SPRED1: variants seen among roughly 807,000 people sequenced by gnomAD.
SPRED1 encodes the protein sprouty related EVH1 domain containing 1, also known as sprouty-related, EVH1 domain-containing protein 1.
A neutral mutation model predicts 52.3 loss-of-function variants in SPRED1; 18 were observed. That is an observed-to-expected ratio of 0.34 (90% CI 0.24 to 0.51). SPRED1 has a LOEUF of 0.51. Ranked by LOEUF, SPRED1 falls within the 20% of genes least tolerant of loss-of-function variation. The pLI, the probability that SPRED1 is intolerant of heterozygous loss-of-function variation, is 0.97. For synonymous variants in SPRED1, 155 were observed against 179.7 expected, an observed-to-expected ratio of 0.86 and a Z score of 1.10; for missense variants, 485 against 551.0, an observed-to-expected ratio of 0.88 and a Z score of 1.20.
chr15:38,299,911 T>C (rs1370506868), intron 2 of SPRED1, among the ~76,000 whole-genome samples: 1 of 152,184 alleles, frequency 6.6e-6, no homozygotes, highest in Non-Finnish European at 1.5e-5. Flanking sequence ...TGTTTTTATA[T>C]TGTCTGTGAG....
At chr15:38,336,430 A>G (rs2382133) in intron 4 of SPRED1, among the ~76,000 whole-genome samples, 1 of 43,822 alleles carries the variant, frequency 2.3e-5, no homozygotes, top group Non-Finnish European at 6.7e-5. Context: ...GTGTATATAT[A>G]TATATAATAT....
At chr15:38,322,771 C>T (rs1304579451) in intron 3 of SPRED1, among the ~76,000 whole-genome samples, 1 of 152,032 alleles carries the variant, frequency 6.6e-6, no homozygotes, top group African/African-American at 2.4e-5. Context: ...CCAGTCACAT[C>T]CTTTTTTTGG....
Position 38,355,929 on chromosome 15 carries a change from A to G in SPRED1, c.*4265A>G, listed in dbSNP as rs1888608802. On this transcript the variant is annotated 3_prime_UTR_variant, in exon 7 of 7. Transcript: ENST00000299084. ...GGAGGTGATTTATATAAACCAAAAG[A>G]AAAAAAAAGGCTTTAAGGTATTAGG... 6.6e-6 allele frequency: 1 copy of G among 151,438 alleles called. No homozygotes were observed. The highest frequency in any genetic ancestry group is 1.9e-4 in the East Asian group (1 of 5,180). 9.4% of individuals were successfully genotyped at this position (151,438 alleles called of 1,614,324 possible). A position where few individuals can be genotyped will look rare whatever the true frequency, so the allele number is the denominator to read the frequency against.
At chr15:38,301,414 G>A (rs566274793) in intron 2 of SPRED1, among the ~76,000 whole-genome samples, 431 of 152,238 alleles carry the variant, frequency 2.8e-3, no homozygotes, top group Non-Finnish European at 3.0e-3. Context: ...GATGTTTCAC[G>A]TAGCCATTTT....
At chr15:38,314,966 T>A (rs1895446300) in intron 2 of SPRED1, among the ~76,000 whole-genome samples, 1 of 151,892 alleles carries the variant, frequency 6.6e-6, no homozygotes, top group Admixed American at 6.6e-5. Flanking sequence ...ATGTCTAAAG[T>A]CCCACTCAGC....
At chr15:38,267,178 A>G (rs1894324848) in intron 1 of SPRED1, among the ~76,000 whole-genome samples, 1 of 152,204 alleles carries the variant, frequency 6.6e-6, no homozygotes, top group African/African-American at 2.4e-5. Flanking sequence ...CTGATTAAGT[A>G]TATCACCTGA....
At chr15:38,306,489 ATAACCAGTCCAGAATC>A (rs2140983503) in intron 2 of SPRED1, among the ~76,000 whole-genome samples, 1 of 152,332 alleles carries the variant, frequency 6.6e-6, no homozygotes, top group South Asian at 2.1e-4. Context: ...AATGATAATA[ATAACCAGTCCAGAATC>A]CCATTCTTTT....
At chr15:38,278,828 G>GTTTTTT (rs765637726) in intron 1 of SPRED1, among the ~76,000 whole-genome samples, 67,704 of 117,450 alleles carry the variant, frequency 0.58, 21,662 homozygotes, top group Middle Eastern at 0.68. Flanking sequence ...TAACTACACT[G>GTTTTTT]TTTTTTTTTT....
chr15:38,322,994 A>G (rs1232381806), intron 3 of SPRED1, among the ~76,000 whole-genome samples: 1 of 152,130 alleles, frequency 6.6e-6, no homozygotes, highest in Non-Finnish European at 1.5e-5. Context: ...AGACTGGCTT[A>G]TGCTTACTTA....
At chr15:38,346,986 G>C (rs1428943913) in intron 5 of SPRED1, among the ~76,000 whole-genome samples, 1 of 152,134 alleles carries the variant, frequency 6.6e-6, no homozygotes, top group East Asian at 1.9e-4. Flanking sequence ...TCTGGATTCA[G>C]ATCTTTCTGA....
Position 38,253,145 on chromosome 15 carries a change from G to C in SPRED1, c.-41G>C. The C allele has an allele frequency of 1.3e-6, 2 of 1,563,378 alleles. No homozygotes were observed. Among genetic ancestry groups the C allele is most frequent in the Non-Finnish European group, 1.7e-6 (2 of 1,153,124 alleles). On this transcript the variant is annotated 5_prime_UTR_variant, in exon 1 of 7. Coordinates refer to ENST00000299084, the MANE Select transcript of SPRED1 (RefSeq NM_152594.3). ...TGCTGCTGTTGCTCCCCCGCCTGCT[G>C]TTGCTCCTCCATCTCCAGATCGGAT...
At position 38,352,856 on chromosome 15, in the gene SPRED1, T is replaced by A. The variant is rs28536719; in HGVS notation, c.*1192T>A. 6.6e-6 allele frequency: 1 copy of A among 152,144 alleles called. No individual in the cohort carries two copies. Among genetic ancestry groups the A allele is most frequent in the Non-Finnish European group, 1.5e-5 (1 of 67,944 alleles). The allele number at this position is 152,144 out of a possible 1,614,324, so 9.4% of individuals were successfully genotyped here. ...AAAGCAAAATTATTTTATGTTAAAATGTGTGCTAAACTATCCCAGGAAAGT... is the reference window on the plus strand; with the variant it reads ...AAAGCAAAATTATTTTATGTTAAAAAGTGTGCTAAACTATCCCAGGAAAGT... On this transcript the variant is annotated 3_prime_UTR_variant, in exon 7 of 7. Coordinates refer to ENST00000299084, the MANE Select transcript of SPRED1 (RefSeq NM_152594.3).
intron 1 of SPRED1, among the ~76,000 whole-genome samples, chr15:38,270,862 G>A (rs1330445702): frequency 3.3e-5 from 5 of 152,058 alleles, no homozygotes; most frequent in African/African-American, 9.7e-5. Flanking sequence ...ATCAGCTTTT[G>A]TACATATGTC....
chr15:38,258,671 G>A (rs948910498), intron 1 of SPRED1, among the ~76,000 whole-genome samples: 4 of 152,048 alleles, frequency 2.6e-5, no homozygotes, highest in African/African-American at 9.7e-5. Flanking sequence ...CAATTTTGAA[G>A]GTAGAAAATG....
At chr15:38,257,077 A>G (rs1894112755) in intron 1 of SPRED1, among the ~76,000 whole-genome samples, 1 of 152,184 alleles carries the variant, frequency 6.6e-6, no homozygotes, top group Non-Finnish European at 1.5e-5. Context: ...TTATGATACC[A>G]TACCTAGAAT....
chr15:38,314,482 CTT>C (rs1203996033), intron 2 of SPRED1, among the ~76,000 whole-genome samples: 1 of 151,860 alleles, frequency 6.6e-6, no homozygotes, highest in African/African-American at 2.4e-5. Flanking sequence ...CAGCTGAACA[CTT>C]TTTCATATCC....
At position 38,339,842 on chromosome 15, in the gene SPRED1, C is replaced by G. The variant is rs1895995133; in HGVS notation, c.529C>G (p.Pro177Ala). The G allele has an allele frequency of 6.2e-7, 1 of 1,613,910 alleles. No individual in the cohort carries two copies. Among genetic ancestry groups the G allele is most frequent in the Non-Finnish European group, 8.5e-7 (1 of 1,179,912 alleles). ...PYRSSNIRPS[P>A]FEDLNARRVY... Reference sequence around the variant, plus strand: ...TAGAAGCTCAAATATAAGACCTTCTCCCTTTGAAGATCTGAATGCCAGAAG... The same window carrying G: ...TAGAAGCTCAAATATAAGACCTTCTGCCTTTGAAGATCTGAATGCCAGAAG... The change falls in exon 5 of 7, where the codon CCC becomes GCC. Residue 177 changes from proline to alanine, a missense_variant. Pro to Ala is a conservative substitution (Grantham distance 27, BLOSUM62 -1). Coordinates refer to ENST00000299084, the MANE Select transcript of SPRED1 (RefSeq NM_152594.3).
At chr15:38,261,594 G>T (rs970852471) in intron 1 of SPRED1, among the ~76,000 whole-genome samples, 1 of 151,904 alleles carries the variant, frequency 6.6e-6, no homozygotes, top group East Asian at 1.9e-4. Flanking sequence ...TTATTTTTTA[G>T]ACGGAGTCTT....
chr15:38,274,008 T>C (rs1894494220), intron 1 of SPRED1, among the ~76,000 whole-genome samples: 1 of 152,252 alleles, frequency 6.6e-6, no homozygotes, highest in Admixed American at 6.5e-5. Context: ...ACTTTTTCAC[T>C]ATCACATATT....
Sources: gnomAD v4.1 joint callset for allele counts (sites outside exome capture counted in the v4.1 genomes callset) on GRCh38, gnomAD v4.1.1 for gene constraint, MANE v1.5 for transcripts, NCBI Gene and HGNC (gene_info 2026-07-23, HGNC 2026-07-21) for gene names.